The following KCNIP1 variants were observed in gnomAD, a reference collection of about 807,000 sequenced individuals.
The protein encoded by KCNIP1 is A-type potassium channel modulatory protein KCNIP1.
KCNIP1 carries 18 observed loss-of-function variants against 33.0 expected under a neutral mutation model. The observed-to-expected ratio is 0.55, with a 90% CI of 0.38 to 0.81. The LOEUF is 0.81. Among genes scored for constraint, KCNIP1 ranks in the 30% least tolerant of loss-of-function variants. The pLI, the probability that KCNIP1 is intolerant of heterozygous loss-of-function variation, is 0.00. For missense variants in KCNIP1, 238 were observed against 271.6 expected, an observed-to-expected ratio of 0.88 and a Z score of 0.87; for synonymous variants, 93 against 98.3, an observed-to-expected ratio of 0.95 and a Z score of 0.32.
At chr5:170,505,201 A>G (rs1361027761) in intron 1 of KCNIP1, among the ~76,000 whole-genome samples, 1 of 152,154 alleles carries the variant, frequency 6.6e-6, no homozygotes, top group East Asian at 1.9e-4. Flanking sequence ...AGCAACCGTG[A>G]AGGGCTGGCT....
chr5:170,438,457 T>A (rs1755915279), intron 1 of KCNIP1, among the ~76,000 whole-genome samples: 4 of 152,112 alleles, frequency 2.6e-5, no homozygotes, highest in Admixed American at 2.0e-4. Context: ...TCCCCTGAAA[T>A]CAATTCCTCA....
At chr5:170,473,101 T>C (rs1032891658) in intron 1 of KCNIP1, among the ~76,000 whole-genome samples, 1 of 152,218 alleles carries the variant, frequency 6.6e-6, no homozygotes, top group African/African-American at 2.4e-5. Context: ...CTACTGTTTT[T>C]TGATTTTTTA....
intron 1 of KCNIP1, among the ~76,000 whole-genome samples, chr5:170,470,172 C>T (rs1756691226): frequency 6.6e-6 from 1 of 152,142 alleles, no homozygotes; most frequent in African/African-American, 2.4e-5. Flanking sequence ...ATCTGGCCCC[C>T]ACTTTCTCCT....
At chr5:170,691,792 G>C (rs1388350556) in intron 1 of KCNIP1, among the ~76,000 whole-genome samples, 1 of 152,042 alleles carries the variant, frequency 6.6e-6, no homozygotes, top group Non-Finnish European at 1.5e-5. Flanking sequence ...TTCCTCCTCA[G>C]CTCCCAACAC....
At chr5:170,394,355 C>T (rs1012335900) in intron 1 of KCNIP1, among the ~76,000 whole-genome samples, 2 of 152,162 alleles carry the variant, frequency 1.3e-5, no homozygotes, top group African/African-American at 2.4e-5. Context: ...TCTCCTAACC[C>T]AAGGGTAAGC....
intron 1 of KCNIP1, chr5:170,680,742 G>C: frequency 9.4e-6 from 2 of 212,652 alleles, no homozygotes; most frequent in Non-Finnish European, 1.9e-5. Context: ...GAGCTGCCGA[G>C]AGAATATGCC....
intron 1 of KCNIP1, among the ~76,000 whole-genome samples, chr5:170,408,842 G>A (rs1202146496): frequency 6.6e-6 from 1 of 152,158 alleles, no homozygotes; most frequent in East Asian, 1.9e-4. Flanking sequence ...GTCAGGCGGT[G>A]GGTCTTTTTG....
chr5:170,624,411 A>G (rs1004675352), intron 1 of KCNIP1, among the ~76,000 whole-genome samples: 2 of 152,058 alleles, frequency 1.3e-5, no homozygotes, highest in African/African-American at 4.8e-5. Flanking sequence ...TTGACTGACG[A>G]AGGGGTACAA....
chr5:170,620,817 C>G (rs1280037957), intron 1 of KCNIP1, among the ~76,000 whole-genome samples: 1 of 152,148 alleles, frequency 6.6e-6, no homozygotes, highest in Non-Finnish European at 1.5e-5. Flanking sequence ...TTAATTGGAT[C>G]TCCAGGAAAT....
intron 1 of KCNIP1, among the ~76,000 whole-genome samples, chr5:170,692,677 T>C (rs1581507612): frequency 1.3e-5 from 2 of 152,192 alleles, no homozygotes; most frequent in Admixed American, 1.3e-4. Flanking sequence ...TAAATGGAGA[T>C]TGACAAATGT....
At chr5:170,672,196 C>T (rs1761953047) in intron 1 of KCNIP1, among the ~76,000 whole-genome samples, 1 of 152,170 alleles carries the variant, frequency 6.6e-6, no homozygotes, top group South Asian at 2.1e-4. Flanking sequence ...TGGACTGAGA[C>T]CTGGATGAGG....
chr5:170,618,307 C>T (rs969843150), intron 1 of KCNIP1, among the ~76,000 whole-genome samples: 2 of 151,616 alleles, frequency 1.3e-5, no homozygotes, highest in Non-Finnish European at 2.9e-5. Context: ...AGGAGGGTCC[C>T]TAGGTCTAGT....
rs1317744266 is a variant in KCNIP1, at chr5:170,554,089, C to T, written c.61+49456C>T. Among the ~76,000 whole-genome samples, 4 of 152,080 alleles carry T rather than the reference C, an allele frequency of 2.6e-5. No homozygotes were observed. The East Asian group carries it at 7.7e-4, about 29-fold the overall frequency. On this transcript the variant is annotated intron_variant, in intron 1 of 7. Transcript: ENST00000328939. The stretch of plus-strand genomic sequence containing the variant: ...GAAATGTGGCCCTGTATGGCCAGCT[C>T]TTCTGATTTTTCATAAGAACCTGGA...
intron 1 of KCNIP1, among the ~76,000 whole-genome samples, chr5:170,407,128 T>TG (rs1755056993): frequency 6.6e-6 from 1 of 152,196 alleles, no homozygotes; most frequent in Non-Finnish European, 1.5e-5. Flanking sequence ...GTGCGCATGG[T>TG]GGGCAGCAGC....
chr5:170,509,487 C>A (rs1328714839), intron 1 of KCNIP1, among the ~76,000 whole-genome samples: 1 of 152,198 alleles, frequency 6.6e-6, no homozygotes, highest in Non-Finnish European at 1.5e-5. Context: ...AAGGGCCTTG[C>A]TCCATGAATG....
At chr5:170,466,726 T>A (rs1001625040) in intron 1 of KCNIP1, among the ~76,000 whole-genome samples, 2 of 152,200 alleles carry the variant, frequency 1.3e-5, no homozygotes, top group Admixed American at 6.5e-5. Context: ...GTAGAGGATG[T>A]ACGGAAGCTC....
intron 1 of KCNIP1, among the ~76,000 whole-genome samples, chr5:170,621,799 G>T (rs1288366279): frequency 2.0e-5 from 3 of 152,186 alleles, no homozygotes; most frequent in Non-Finnish European, 4.4e-5. Flanking sequence ...GTGAGCCACT[G>T]CACCTGGCCT....
chr5:170,605,593 T>TC (rs899744348), intron 1 of KCNIP1, among the ~76,000 whole-genome samples: 1 of 151,994 alleles, frequency 6.6e-6, no homozygotes, highest in African/African-American at 2.4e-5. Context: ...CATTCCCACC[T>TC]CCCCCAACTC....
In KCNIP1 at chr5:170,355,593, G is replaced by T. The variant is rs114270926; in HGVS notation, c.88+1629G>T. ...TGGGGGTCAACAGGCATAGAGAAGA[G>T]ATGTCTGGGGCAGACTAAGGAGTGC... On this transcript the variant is annotated intron_variant, in intron 1 of 7. Transcript: ENST00000377360. 1.0e-3 allele frequency among the ~76,000 whole-genome samples: 154 copies of T among 152,304 alleles called. 1 individual carries two copies. Among genetic ancestry groups the T allele is most frequent in the African/African-American group, 3.6e-3 (149 of 41,560 alleles).
Sources: gnomAD v4.1 joint callset for allele counts (sites outside exome capture counted in the v4.1 genomes callset) on GRCh38, gnomAD v4.1.1 for gene constraint, MANE v1.5 for transcripts, NCBI Gene and HGNC (gene_info 2026-07-23, HGNC 2026-07-21) for gene names.